The following KCTD1 variants were observed in gnomAD, a reference collection of about 807,000 sequenced individuals.
The protein encoded by KCTD1 is potassium channel tetramerization domain containing 1, also known as BTB/POZ domain-containing protein KCTD1.
KCTD1 carries 24 observed loss-of-function variants against 66.0 expected under a neutral mutation model. The ratio of observed to expected loss-of-function variants is 0.36; its 90% CI spans 0.26 to 0.51. The LOEUF is 0.51. Among genes scored for constraint, KCTD1 ranks in the 20% least tolerant of loss-of-function variants. The pLI, the probability that KCTD1 is intolerant of heterozygous loss-of-function variation, is 0.95. For missense variants in KCTD1, 943 were observed against 1,205.2 expected (o/e 0.78, Z 3.22); for synonymous variants, 511 against 517.2 (o/e 0.99, Z 0.16).
At chr18:26,500,566 T>C (rs73944610) in intron 2 of KCTD1, among the ~76,000 whole-genome samples, 3,696 of 152,286 alleles carry the variant, frequency 0.024, 159 homozygotes, top group African/African-American at 0.084. Context: ...AGTTCGTAAG[T>C]TCCATGGCCC....
chr18:26,549,495 A>T, upstream of KCTD1: 1 of 971,300 alleles, frequency 1.0e-6, no homozygotes, highest in Non-Finnish European at 1.2e-6. Flanking sequence ...AGGGGAGACG[A>T]GGGAAGAGGC....
chr18:26,522,123 A>T (rs1983941679), intron 1 of KCTD1, among the ~76,000 whole-genome samples: 1 of 152,078 alleles, frequency 6.6e-6, no homozygotes, highest in African/African-American at 2.4e-5. Flanking sequence ...TCCTCCAAAC[A>T]CTCATATGTT....
chr18:26,631,520 G>A (rs929864353), upstream of KCTD1, among the ~76,000 whole-genome samples: 2 of 152,166 alleles, frequency 1.3e-5, no homozygotes, highest in Admixed American at 1.3e-4. Context: ...GACCACTACT[G>A]TATATGTGGT....
intron 3 of KCTD1, among the ~76,000 whole-genome samples, chr18:26,462,460 C>T (rs1980485244): frequency 6.6e-6 from 1 of 152,222 alleles, no homozygotes; most frequent in South Asian, 2.1e-4. Flanking sequence ...AGTAGAGCCA[C>T]TGCTATGTCA....
intron 1 of KCTD1, among the ~76,000 whole-genome samples, chr18:26,574,972 T>C (rs1277111471): frequency 6.6e-6 from 1 of 152,208 alleles, no homozygotes; most frequent in Non-Finnish European, 1.5e-5. Flanking sequence ...GCAACAATCC[T>C]GCTACCACGA....
chr18:26,550,940 C>A (rs1001694666), upstream of KCTD1, among the ~76,000 whole-genome samples: 1 of 152,226 alleles, frequency 6.6e-6, no homozygotes, highest in Non-Finnish European at 1.5e-5. This position sits in a 1 kb window ranked among gnomAD's most constrained non-coding sequence, Gnocchi z 5.4. Context: ...TGTTCCCCCG[C>A]GACCCTCGCC....
chr18:26,472,413 T>C (rs890208005), intron 3 of KCTD1, among the ~76,000 whole-genome samples: 1 of 152,212 alleles, frequency 6.6e-6, no homozygotes, highest in African/African-American at 2.4e-5. Context: ...TATTTAAAAA[T>C]TATTTTATTG....
intron 1 of KCTD1, among the ~76,000 whole-genome samples, chr18:26,522,397 T>C (rs1047913549): frequency 6.6e-6 from 1 of 152,114 alleles, no homozygotes; most frequent in Non-Finnish European, 1.5e-5. Context: ...CTAGGAAGAA[T>C]CATGAAACAG....
chr18:26,549,230 GC>G, upstream of KCTD1: 1 of 986,382 alleles, frequency 1.0e-6, no homozygotes, highest in Non-Finnish European at 1.2e-6. Flanking sequence ...GGCGGCGGCG[GC>G]TCCCCCACCT....
At chr18:26,576,470 C>T (rs1435257772) in intron 1 of KCTD1, among the ~76,000 whole-genome samples, 1 of 152,198 alleles carries the variant, frequency 6.6e-6, no homozygotes, top group Non-Finnish European at 1.5e-5. Context: ...TGTTGCCAGT[C>T]TCTTGGCTTC....
At chr18:26,514,600 T>C (rs888465391) in intron 1 of KCTD1, among the ~76,000 whole-genome samples, 4 of 148,760 alleles carry the variant, frequency 2.7e-5, no homozygotes, top group Non-Finnish European at 5.9e-5. Flanking sequence ...TGGAAGGAAG[T>C]AGTGTCATGT....
At chr18:26,512,758 A>G (rs978614777) in intron 1 of KCTD1, among the ~76,000 whole-genome samples, 1 of 152,132 alleles carries the variant, frequency 6.6e-6, no homozygotes. Context: ...AGGCAGGTGG[A>G]TCACTTGAGG....
At chr18:26,634,501 C>T (rs898302751) in intron 1 of KCTD1, among the ~76,000 whole-genome samples, 2 of 151,878 alleles carry the variant, frequency 1.3e-5, no homozygotes, top group African/African-American at 4.8e-5. Flanking sequence ...GCATGAGTTA[C>T]ACGGGGAGGG....
intron 1 of KCTD1, among the ~76,000 whole-genome samples, chr18:26,525,834 G>A (rs946809300): frequency 1.3e-5 from 2 of 152,036 alleles, no homozygotes; most frequent in Non-Finnish European, 1.5e-5. Context: ...TGATCCTCCC[G>A]CTTCAGCCTC....
chr18:26,604,442 A>C (rs1257114168), intron 1 of KCTD1, among the ~76,000 whole-genome samples: 2 of 152,246 alleles, frequency 1.3e-5, no homozygotes, highest in Non-Finnish European at 2.9e-5. Flanking sequence ...TCATTTTACC[A>C]TAAAGACACA....
upstream of KCTD1, among the ~76,000 whole-genome samples, chr18:26,632,294 G>T (rs1351482935): frequency 6.6e-6 from 1 of 151,758 alleles, no homozygotes; most frequent in Non-Finnish European, 1.5e-5. Flanking sequence ...GATGAGGCAG[G>T]AGAATTGCTT....
At chr18:26,594,745 T>C (rs917376727) in intron 1 of KCTD1, among the ~76,000 whole-genome samples, 1 of 152,158 alleles carries the variant, frequency 6.6e-6, no homozygotes, top group Non-Finnish European at 1.5e-5. Context: ...TTTAAATCAG[T>C]GGAGCAGATT....
intron 1 of KCTD1, among the ~76,000 whole-genome samples, chr18:26,526,587 G>T (rs957475980): frequency 2.0e-5 from 3 of 152,180 alleles, no homozygotes; most frequent in African/African-American, 2.4e-5. Flanking sequence ...TAGGGAAATA[G>T]AAATATGGCA....
intron 1 of KCTD1, among the ~76,000 whole-genome samples, chr18:26,607,635 G>C (rs1987047269): frequency 6.6e-6 from 1 of 152,122 alleles, no homozygotes; most frequent in Non-Finnish European, 1.5e-5. Context: ...CATATTGGAG[G>C]ATGTGTTTAT....
Sources: gnomAD v4.1 joint callset for allele counts (sites outside exome capture counted in the v4.1 genomes callset) on GRCh38, gnomAD v4.1.1 for gene constraint, Gnocchi (gnomAD v3.1) non-coding constraint, MANE v1.5 for transcripts, NCBI Gene and HGNC (gene_info 2026-07-23, HGNC 2026-07-21) for gene names.